SCMH1: variants seen among roughly 807,000 people sequenced by gnomAD.
SCMH1 encodes the protein polycomb protein SCMH1.
A neutral mutation model predicts 70.8 loss-of-function variants in SCMH1; 37 were observed. The ratio of observed to expected loss-of-function variants is 0.52; its 90% CI spans 0.40 to 0.69. SCMH1 has a LOEUF of 0.69. Ranked by LOEUF, SCMH1 falls within the 30% of genes least tolerant of loss-of-function variation. SCMH1 has a pLI of 0.00. For missense variants in SCMH1, 607 were observed against 827.3 expected (o/e 0.73, Z 3.27); for synonymous variants, 292 against 307.4 (o/e 0.95, Z 0.52).
chr1:41,178,887 A>T (rs1293587562), intron 2 of SCMH1, among the ~76,000 whole-genome samples: 1 of 152,210 alleles, frequency 6.6e-6, no homozygotes, highest in Non-Finnish European at 1.5e-5. Flanking sequence ...AAGCAGACCT[A>T]ACAGACATCT....
chr1:41,143,907 T>C (rs1200814673), intron 5 of SCMH1, among the ~76,000 whole-genome samples: 2 of 152,252 alleles, frequency 1.3e-5, no homozygotes, highest in Non-Finnish European at 2.9e-5. Flanking sequence ...TTCATCCATA[T>C]TAGTAATTCA....
chr1:41,046,688 G>T, intron 11 of SCMH1, 90 bp from the exon 12 acceptor site: 1 of 989,892 alleles, frequency 1.0e-6, no homozygotes, highest in South Asian at 1.5e-5. Flanking sequence ...GCTTGTCTCA[G>T]GCTTACCTGG....
At chr1:41,072,383 T>C (rs1571799193) in intron 9 of SCMH1, among the ~76,000 whole-genome samples, 1 of 152,244 alleles carries the variant, frequency 6.6e-6, no homozygotes, top group Admixed American at 6.5e-5. Flanking sequence ...GATAGGTACA[T>C]GTACAATATT....
At chr1:41,105,540 G>A (rs1667678347) in intron 8 of SCMH1, among the ~76,000 whole-genome samples, 1 of 152,110 alleles carries the variant, frequency 6.6e-6, no homozygotes, top group South Asian at 2.1e-4. Flanking sequence ...ACAGAAAGAA[G>A]AATTTTAGCT....
At chr1:41,208,253 A>G (rs1237867191) in intron 1 of SCMH1, among the ~76,000 whole-genome samples, 45 of 107,486 alleles carry the variant, frequency 4.2e-4, no homozygotes, top group African/African-American at 1.6e-3. Flanking sequence ...AGGAAGGGGA[A>G]TATCACACTC....
intron 5 of SCMH1, among the ~76,000 whole-genome samples, chr1:41,144,551 T>C (rs540283105): frequency 3.5e-4 from 54 of 152,302 alleles, no homozygotes; most frequent in African/African-American, 1.3e-3. Context: ...TTATGAATAA[T>C]GATGTGATAA....
chr1:41,075,192 T>C (rs966572780), intron 9 of SCMH1, 27 bp downstream of exon 9: 3 of 1,610,470 alleles, frequency 1.9e-6, no homozygotes, highest in Non-Finnish European at 2.5e-6. Context: ...CCCTTATTCC[T>C]TTCTGGGAAA....
chr1:41,238,797 CTCT>C lies in SCMH1; in HGVS notation c.-118+3259_-118+3261del, dbSNP rs1662903740. ...CCGATATTCCACTTTCTGACCACAC[CTCT>C]TTTTTTTCTCAGCTTACTTCCACTA... On this transcript the variant is annotated intron_variant, in intron 1 of 14. Coordinates refer to ENST00000337495, the Ensembl canonical transcript of SCMH1. Among the ~76,000 whole-genome samples the C allele has an allele frequency of 7.2e-5, 11 of 152,334 alleles. No homozygotes were observed. The South Asian group carries it at 2.3e-3, about 32-fold the overall frequency.
At position 41,061,037 on chromosome 1, in the gene SCMH1, TAGTG is replaced by T. The variant is rs1652431360; in HGVS notation, c.1105+9554_1105+9557del. Among the ~76,000 whole-genome samples, 4 of 150,108 alleles carry T rather than the reference TAGTG, an allele frequency of 2.7e-5. No homozygotes were observed. The South Asian group carries it at 8.5e-4, about 32-fold the overall frequency. ...GAAACCACCTTTGCAAAAATTGTAA[TAGTG>T]AGAAAATATGACAGTGAAAGAGATC... On this transcript the variant is annotated intron_variant, in intron 10 of 14. Coordinates refer to ENST00000337495, the Ensembl canonical transcript of SCMH1.
intron 1 of SCMH1, among the ~76,000 whole-genome samples, chr1:41,204,127 T>C (rs1654977220): frequency 6.6e-6 from 1 of 152,192 alleles, no homozygotes; most frequent in South Asian, 2.1e-4. Flanking sequence ...AGATATCTTA[T>C]AATTTGCCCA....
intron 2 of SCMH1, among the ~76,000 whole-genome samples, chr1:41,175,436 C>T (rs1647051995): frequency 6.6e-6 from 1 of 152,168 alleles, no homozygotes; most frequent in Admixed American, 6.5e-5. Context: ...ATTATGGCAC[C>T]AGCTTACAGA....
chr1:41,053,118 A>ATG (rs199505892), intron 10 of SCMH1, among the ~76,000 whole-genome samples: 17 of 5,084 alleles, frequency 3.3e-3, no homozygotes, highest in African/African-American at 7.9e-3. Flanking sequence ...GGGTTTCACC[A>ATG]TTGATCTGCC....
intron 1 of SCMH1, among the ~76,000 whole-genome samples, chr1:41,217,503 C>T (rs533043149): frequency 1.4e-4 from 21 of 152,312 alleles, no homozygotes; most frequent in African/African-American, 5.1e-4. Flanking sequence ...AAGGGTATAG[C>T]ATTTGCATGT....
chr1:41,029,653 T>C (rs1205973762), intron 13 of SCMH1, among the ~76,000 whole-genome samples: 1 of 152,170 alleles, frequency 6.6e-6, no homozygotes, highest in Non-Finnish European at 1.5e-5. Flanking sequence ...TCAGAGATCT[T>C]TTACATGTTT....
At chr1:41,140,230 G>A (rs1643919569) in intron 6 of SCMH1, among the ~76,000 whole-genome samples, 1 of 151,974 alleles carries the variant, frequency 6.6e-6, no homozygotes, top group Admixed American at 6.6e-5. Flanking sequence ...GATGAAGCAG[G>A]TAAAAATACC....
chr1:41,083,105 G>C (rs1450270181), intron 8 of SCMH1, among the ~76,000 whole-genome samples: 1 of 152,150 alleles, frequency 6.6e-6, no homozygotes, highest in Non-Finnish European at 1.5e-5. Context: ...ATTCAACATA[G>C]TGTTGGAAGT....
chr1:41,109,842 A>G (rs1160584604), intron 8 of SCMH1, among the ~76,000 whole-genome samples: 2 of 152,228 alleles, frequency 1.3e-5, no homozygotes, highest in African/African-American at 4.8e-5. Context: ...CAACCTGGAC[A>G]CAAAGACCGT....
chr1:41,179,681 G>T (rs1471830418), intron 2 of SCMH1, among the ~76,000 whole-genome samples: 2 of 152,072 alleles, frequency 1.3e-5, no homozygotes, highest in Non-Finnish European at 2.9e-5. Context: ...TTGAATCTCT[G>T]AATAGACCAA....
At chr1:41,221,144 T>C (rs1023216788) in intron 1 of SCMH1, among the ~76,000 whole-genome samples, 3 of 152,178 alleles carry the variant, frequency 2.0e-5, no homozygotes, top group East Asian at 1.9e-4. Context: ...CAAGAGTGCA[T>C]GCAGTCACAA....
Sources: allele counts gnomAD v4.1 joint callset (sites outside exome capture counted in the v4.1 genomes callset), GRCh38; gene constraint gnomAD v4.1.1; transcripts MANE v1.5; gene names NCBI Gene and HGNC (gene_info 2026-07-23, HGNC 2026-07-21).